The following IFRD2 variants were observed in gnomAD, a reference collection of about 807,000 sequenced individuals.
IFRD2 encodes interferon-related developmental regulator 2.
In IFRD2, 35 loss-of-function variants were observed where a neutral mutation model predicts 49.2. That is an observed-to-expected ratio of 0.71 (90% confidence interval 0.54 to 0.94). IFRD2 has a LOEUF of 0.94. Ranked by LOEUF, IFRD2 falls within the 40% of genes least tolerant of loss-of-function variation. The pLI is 0.00. For missense variants in IFRD2, 561 were observed against 591.6 expected (o/e 0.95, Z 0.54); for synonymous variants, 275 against 239.7 (o/e 1.15, Z -1.36).
Position 50,288,677 on chromosome 3 carries a change from CCGAAGCGCACTATCTCTT to C in IFRD2, c.1040_1057del (p.Glu347_Phe352del). 2 of 1,613,726 alleles carry C rather than the reference CCGAAGCGCACTATCTCTT, an allele frequency of 1.2e-6. No individual in the cohort carries two copies. Among genetic ancestry groups the C allele is most frequent in the African/African-American group, 2.7e-5 (2 of 75,056 alleles). ...GCTGTCCATGTAGAGCACCTCAAAG[CCGAAGCGCACTATCTCTT>C]CTTCGCATTCACCGCCCTGCAGGGT... On this transcript the variant is annotated inframe_deletion, in exon 10 of 12. Transcript: ENST00000417626.
chr3:50,289,171 TTC>T, intron 8 of IFRD2, 82 bp downstream of exon 8: 1 of 1,294,096 alleles, frequency 7.7e-7, no homozygotes, highest in African/African-American at 1.5e-5. Context: ...CCTAAAGCTG[TTC>T]TGTTTTGTGT....
Position 50,290,727 on chromosome 3 carries a change from A to C in IFRD2, c.59-48T>G, listed in dbSNP as rs782548197. 2.4e-5 allele frequency: 39 copies of C among 1,599,190 alleles called. No individual in the cohort carries two copies. The East Asian group carries it at 8.8e-4, about 36-fold the overall frequency. On this transcript the variant is annotated intron_variant, in intron 1 of 11. Coordinates refer to ENST00000417626, the MANE Select transcript of IFRD2 (RefSeq NM_006764.5). ...CTCAACTTGCCTCTACTGATGAGGG[A>C]TGGCTGGGGGTACCTCACTCGACCT...
rs587668317 is a variant in IFRD2 at position 50,292,350 on chromosome 3, G to A, written c.-76C>T. On this transcript the variant is annotated 5_prime_UTR_variant, in exon 1 of 12. Coordinates refer to ENST00000417626, the MANE Select transcript of IFRD2 (RefSeq NM_006764.5). ...GCTCCAGGCCAACGAGACGCCGGCCGGTGCGCTGCGCTGAGACTTGGCCAG... is the reference window on the plus strand; with the variant it reads ...GCTCCAGGCCAACGAGACGCCGGCCAGTGCGCTGCGCTGAGACTTGGCCAG... 8.3e-6 allele frequency: 13 copies of A among 1,567,302 alleles called. No homozygotes were observed. In the South Asian group the frequency reaches 1.2e-4, roughly 14 times the overall value.
At chr3:50,289,649 G>A (rs1553709382) in intron 6 of IFRD2, 21 bp from the exon 7 acceptor site, 1 of 1,597,802 alleles carries the variant, frequency 6.3e-7, no homozygotes, top group Non-Finnish European at 8.5e-7. Flanking sequence ...AGAGAGGCAG[G>A]GGAGCTCAGA....
intron 8 of IFRD2, 158 bp downstream of exon 8, chr3:50,289,097 G>A: frequency 1.7e-6 from 2 of 1,178,968 alleles, no homozygotes; most frequent in Non-Finnish European, 1.2e-6. Flanking sequence ...CACCACTGCT[G>A]AGGGCACCCA....
At position 50,290,300 on chromosome 3, in the gene IFRD2, G is replaced by A. The variant is rs1194343223; in HGVS notation, c.264-6C>T. The A allele has an allele frequency of 3.1e-6, 5 of 1,609,718 alleles. No individual in the cohort carries two copies. The highest frequency in any genetic ancestry group is 4.2e-6 in the Non-Finnish European group (5 of 1,177,904). On this transcript the variant is annotated splice_polypyrimidine_tract_variant and splice_region_variant and intron_variant, in intron 3 of 11. Transcript: ENST00000417626. The stretch of plus-strand genomic sequence containing the variant: ...CACCCTGCCGGGTCTTGGCACTGGG[G>A]GAGGTCGAGAAGGGGGGTCATATGG...
rs782252677 is a variant in IFRD2 at position 50,292,293 on chromosome 3, G to T, written c.-19C>A. On this transcript the variant is annotated 5_prime_UTR_variant, in exon 1 of 12. Coordinates refer to ENST00000417626, the MANE Select transcript of IFRD2 (RefSeq NM_006764.5). The stretch of plus-strand genomic sequence containing the variant: ...GAGGCATGCCGGGAACCGGGCGCGG[G>T]GGGCGCGGGGTCAGGGACCCGGTGG... The T allele has an allele frequency of 1.4e-4, 212 of 1,554,154 alleles. 1 individual carries two copies. The highest frequency in any genetic ancestry group is 1.7e-4 in the Non-Finnish European group (201 of 1,154,040).
intron 1 of IFRD2, chr3:50,291,998 G>A (rs1419022458): frequency 5.5e-6 from 3 of 541,330 alleles, no homozygotes; most frequent in Non-Finnish European, 9.4e-6. Context: ...ACCGCTGGGA[G>A]CGCGGACTCC....
intron 8 of IFRD2, 75 bp downstream of exon 8, chr3:50,289,179 TG>T (rs2109274989): frequency 5.9e-6 from 8 of 1,346,948 alleles, no homozygotes; most frequent in Non-Finnish European, 8.3e-6. Context: ...TGTTCTGTTT[TG>T]TGTGGCACCC....
At chr3:50,289,000 C>A in intron 8 of IFRD2, 63 bp from the exon 9 acceptor site, 2 of 1,579,414 alleles carry the variant, frequency 1.3e-6, no homozygotes, top group South Asian at 1.1e-5. Context: ...CTGAACAGGG[C>A]ACTGCCCAAA....
intron 1 of IFRD2, 50 bp downstream of exon 1, chr3:50,292,167 A>ACCCCC: frequency 7.0e-7 from 1 of 1,430,140 alleles, no homozygotes; most frequent in Non-Finnish European, 9.1e-7. Flanking sequence ...ATCCAGCAGG[A>ACCCCC]CCCCCGCCCG....
intron 8 of IFRD2, 42 bp downstream of exon 8, chr3:50,289,213 C>T (rs1489927376): frequency 1.3e-6 from 2 of 1,487,504 alleles, no homozygotes; most frequent in Admixed American, 3.9e-5. Context: ...CTGTGATGGG[C>T]AGGTGGTGTC....
At chr3:50,291,887 C>A (rs1475605161) in intron 1 of IFRD2, 2 of 340,754 alleles carry the variant, frequency 5.9e-6, no homozygotes, top group Admixed American at 4.7e-5. Context: ...TTGACCAGTC[C>A]AGGAAAGGAT....
At position 50,289,517 on chromosome 3, in the gene IFRD2, C is replaced by A. The variant is rs1553709330; in HGVS notation, c.709G>T (p.Ala237Ser). The A allele has an allele frequency of 4.4e-6, 7 of 1,584,852 alleles. No individual in the cohort carries two copies. In the East Asian group the frequency reaches 1.6e-4, roughly 37 times the overall value. The change falls in exon 7 of 12, where the codon GCT becomes TCT. Residue 237 changes from alanine to serine, a missense_variant. Transcript: ENST00000417626. Reference sequence around the variant, plus strand: ...AGCAATGCCCAGGCCTGCAGGGCAGCAGAGAGCAGGCCGTGCAGGCTGGCA... The same window carrying A: ...AGCAATGCCCAGGCCTGCAGGGCAGAAGAGAGCAGGCCGTGCAGGCTGGCA... Reference protein sequence around the residue: ...VPASLHGLLSAALQAWALLLT... With the variant: ...VPASLHGLLSSALQAWALLLT...
chr3:50,289,000 C>T (rs1241844843), intron 8 of IFRD2, 63 bp from the exon 9 acceptor site: 6 of 1,579,296 alleles, frequency 3.8e-6, no homozygotes, highest in Non-Finnish European at 5.2e-6. Context: ...CTGAACAGGG[C>T]ACTGCCCAAA....
Position 50,292,224 on chromosome 3 carries a change from A to G in IFRD2, c.51T>C (p.Arg17=). 6 of 1,482,672 alleles carry G rather than the reference A, an allele frequency of 4.0e-6. No homozygotes were observed. Among genetic ancestry groups the G allele is most frequent in the Non-Finnish European group, 5.4e-6 (6 of 1,119,266 alleles). 91.8% of individuals were successfully genotyped at this position (1,482,672 alleles called of 1,614,324 possible). Residue 17 remains arginine (R), a synonymous_variant, in exon 1 of 12, where the codon CGT becomes CGC. Transcript: ENST00000417626. Reference sequence around the variant, plus strand: ...GCCCCCCACCCCACTCACCTCCTCCACGGCGCTGACCACCCTTCCGGAGCG... The same window carrying G: ...GCCCCCCACCCCACTCACCTCCTCCGCGGCGCTGACCACCCTTCCGGAGCG... ...GNTLRKGGQR[R]GGGARSSAQA... is the part of the protein sequence containing the mutation.
rs1701584867 is a variant in IFRD2, at chr3:50,287,816, T to G, written c.*375A>C. 3.9e-6 allele frequency: 1 copy of G among 255,558 alleles called. No individual in the cohort carries two copies. Among genetic ancestry groups the G allele is most frequent in the Non-Finnish European group, 7.6e-6 (1 of 131,256 alleles). 15.8% of individuals were successfully genotyped at this position (255,558 alleles called of 1,614,324 possible). On this transcript the variant is annotated 3_prime_UTR_variant, in exon 12 of 12. Coordinates refer to ENST00000417626, the MANE Select transcript of IFRD2 (RefSeq NM_006764.5). ...GCACACAAATCCATTCCAGGTAGCT[T>G]TGCCACCCCACCTGCTGTGGTGGCA...
Position 50,288,202 on chromosome 3 carries a change from C to A in IFRD2, c.1318G>T (p.Asp440Tyr). ...CAGCAGGTCCTGCTTCACAGGATGT[C>A]TGCCCGCTTGTCCCGCACACGGCTT... ...ARSRVRDKRA[D>Y]IL The change falls in exon 12 of 12, where the codon GAC becomes TAC. Residue 440 changes from aspartate (D) to tyrosine (Y), a missense_variant. By Grantham distance (160) the Asp-to-Tyr change is radical (BLOSUM62 -3). Coordinates refer to ENST00000417626, the MANE Select transcript of IFRD2 (RefSeq NM_006764.5). 3.1e-6 allele frequency: 5 copies of A among 1,613,646 alleles called. No individual in the cohort carries two copies. Among genetic ancestry groups the A allele is most frequent in the Non-Finnish European group, 4.2e-6 (5 of 1,179,652 alleles).
At chr3:50,292,156 G>C in intron 1 of IFRD2, 61 bp downstream of exon 1, 1 of 1,419,966 alleles carries the variant, frequency 7.0e-7, no homozygotes, top group East Asian at 2.6e-5. Flanking sequence ...CAACCAAGGG[G>C]ATCCAGCAGG....
Sources: allele counts gnomAD v4.1 joint callset, GRCh38; gene constraint gnomAD v4.1.1; transcripts MANE v1.5; gene names NCBI Gene and HGNC (gene_info 2026-07-23, HGNC 2026-07-21).